Variants in PPFIBP2 observed in about 807,000 individuals in gnomAD.
PPFIBP2 encodes PPFIB scaffold protein 2.
A neutral mutation model predicts 118.3 loss-of-function variants in PPFIBP2; 118 were observed. That is an observed-to-expected ratio of 1.00 (90% CI 0.86 to 1.16). The LOEUF is 1.16. Ranked by LOEUF, PPFIBP2 falls within the 50% of genes most tolerant of loss-of-function variation. PPFIBP2 has a pLI of 0.00. For missense variants in PPFIBP2, 1,195 were observed against 1,073.1 expected (o/e 1.11, Z -1.59); for synonymous variants, 414 against 397.4 (o/e 1.04, Z -0.50).
At chr11:7,630,358 T>A (rs1850596118) in intron 10 of PPFIBP2, among the ~76,000 whole-genome samples, 1 of 152,178 alleles carries the variant, frequency 6.6e-6, no homozygotes, top group African/African-American at 2.4e-5. Flanking sequence ...GTCACCCAGG[T>A]TGGAGTGCAG....
chr11:7,652,425 A>G (rs1854179868), intron 23 of PPFIBP2, among the ~76,000 whole-genome samples: 1 of 152,224 alleles, frequency 6.6e-6, no homozygotes, highest in Non-Finnish European at 1.5e-5. Context: ...TTCCCAGACT[A>G]CAGACCAACA....
chr11:7,537,344 C>T (rs916361891), intron 1 of PPFIBP2, among the ~76,000 whole-genome samples: 1 of 152,060 alleles, frequency 6.6e-6, no homozygotes, highest in Non-Finnish European at 1.5e-5. Context: ...TTTTTTCCCC[C>T]CCACAGAGGC....
At position 7,634,436 on chromosome 11, in the gene PPFIBP2, A is replaced by C. The variant is rs909171461; in HGVS notation, c.1137-59A>C. 3 of 1,331,968 alleles carry C rather than the reference A, an allele frequency of 2.3e-6. No individual in the cohort carries two copies. In the African/African-American group the frequency reaches 4.3e-5, roughly 19 times the overall value. The allele number at this position is 1,331,968 out of a possible 1,614,324, so 82.5% of individuals were successfully genotyped here. On this transcript the variant is annotated intron_variant, in intron 12 of 23. Coordinates refer to ENST00000299492, the MANE Select transcript of PPFIBP2 (RefSeq NM_003621.5). ...GTTAAGCATTTGAAATGTCCTCTGCATGAGTGATAACATGTACCTCCTTCT... is the reference window on the plus strand; with the variant it reads ...GTTAAGCATTTGAAATGTCCTCTGCCTGAGTGATAACATGTACCTCCTTCT...
In PPFIBP2 at chr11:7,629,468, A is replaced by G. The variant is rs75896733; in HGVS notation, c.898A>G (p.Ile300Val). 7 of 1,614,058 alleles carry G rather than the reference A, an allele frequency of 4.3e-6. No homozygotes were observed. Among genetic ancestry groups the G allele is most frequent in the Non-Finnish European group, 5.9e-6 (7 of 1,179,928 alleles). ...LLANEDKDRRIEELTGLLNQY... is the reference protein window; with the variant it reads ...LLANEDKDRRVEELTGLLNQY... ...ACTTGCACTATGGCAGGACCGTCGG[A>G]TAGAGGAGCTTACGGGGCTGTTAAA... The change falls in exon 10 of 24, where the codon ATA becomes GTA. Residue 300 changes from isoleucine to valine, a missense_variant. Transcript: ENST00000299492.
Position 7,650,980 on chromosome 11 carries a change from G to T in PPFIBP2, c.2247+15G>T. 6.2e-7 allele frequency: 1 copy of T among 1,610,008 alleles called. No individual in the cohort carries two copies. Among genetic ancestry groups the T allele is most frequent in the African/African-American group, 1.3e-5 (1 of 74,970 alleles). ...GAGGCCTCATTGTGAGTGGCTCTCT[G>T]GCCTAGCCCACCTGCCTTGGTGCAA... On this transcript the variant is annotated intron_variant, in intron 22 of 23. Coordinates refer to ENST00000299492, the MANE Select transcript of PPFIBP2 (RefSeq NM_003621.5).
chr11:7,649,402 G>A, intron 20 of PPFIBP2, 130 bp from the exon 21 acceptor site: 1 of 1,323,246 alleles, frequency 7.6e-7, no homozygotes, highest in Admixed American at 1.8e-5. Context: ...ACTGTGATAA[G>A]CTATTGGTGT....
At chr11:7,552,259 G>A (rs781146957) in intron 2 of PPFIBP2, among the ~76,000 whole-genome samples, 2 of 152,228 alleles carry the variant, frequency 1.3e-5, no homozygotes, top group Non-Finnish European at 2.9e-5. Context: ...AGTTGCCTGT[G>A]TTGACATGCG....
intron 7 of PPFIBP2, among the ~76,000 whole-genome samples, chr11:7,625,491 T>G (rs1389625297): frequency 6.6e-6 from 1 of 152,336 alleles, no homozygotes; most frequent in South Asian, 2.1e-4. Flanking sequence ...ATCACAATCC[T>G]AATCCTCACA....
intron 7 of PPFIBP2, among the ~76,000 whole-genome samples, chr11:7,624,402 G>A (rs768198721): frequency 2.0e-5 from 3 of 152,228 alleles, no homozygotes; most frequent in Admixed American, 6.5e-5. Context: ...ATCAGGGTGC[G>A]TGCTCAGTCC....
downstream of PPFIBP2, chr11:7,656,642 G>T (rs1854716771): frequency 6.0e-6 from 6 of 997,914 alleles, no homozygotes; most frequent in South Asian, 8.0e-5. Flanking sequence ...CCCTCACCCA[G>T]TGCCCTCTAG....
At chr11:7,606,022 A>G (rs1590539430) in intron 5 of PPFIBP2, 1 of 1,533,302 alleles carries the variant, frequency 6.5e-7, no homozygotes, top group South Asian at 1.2e-5. Flanking sequence ...TAAAGTAGGT[A>G]GAAAAGCTGT....
At chr11:7,638,389 A>G (rs966057681) in intron 14 of PPFIBP2, among the ~76,000 whole-genome samples, 1 of 152,106 alleles carries the variant, frequency 6.6e-6, no homozygotes, top group East Asian at 1.9e-4. Flanking sequence ...CTTCTACTCC[A>G]CCAGCCAGTT....
At chr11:7,641,042 G>A (rs751748369) in intron 15 of PPFIBP2, 145 of 1,283,334 alleles carry the variant, frequency 1.1e-4, no homozygotes, top group Admixed American at 2.8e-4. Context: ...GATCGTGGCC[G>A]GAGTGTCAGT....
At chr11:7,665,667 G>C in the PPFIBP2 span, 76 of 1,235,830 alleles carry the variant, frequency 6.1e-5, no homozygotes, top group African/African-American at 1.0e-3. Flanking sequence ...CAAAGGCTTA[G>C]AAGTCTGTAC....
At chr11:7,649,773 A>T in intron 21 of PPFIBP2, 119 bp downstream of exon 21, 2 of 1,435,924 alleles carry the variant, frequency 1.4e-6, no homozygotes, top group Non-Finnish European at 1.9e-6. Context: ...GGTGCCTGGG[A>T]TTCTTTTGTT....
intron 1 of PPFIBP2, among the ~76,000 whole-genome samples, chr11:7,521,248 T>C (rs1288168585): frequency 6.6e-6 from 1 of 152,218 alleles, no homozygotes; most frequent in Non-Finnish European, 1.5e-5. Context: ...CTATGTTGCA[T>C]AGTAATCATG....
At chr11:7,571,037 G>C (rs1034270696) in intron 3 of PPFIBP2, among the ~76,000 whole-genome samples, 5 of 152,184 alleles carry the variant, frequency 3.3e-5, no homozygotes, top group Non-Finnish European at 5.9e-5. Context: ...TTATGTTAGA[G>C]CTTGATGGAG....
At chr11:7,567,913 C>T (rs76426823) in intron 3 of PPFIBP2, among the ~76,000 whole-genome samples, 3,025 of 152,276 alleles carry the variant, frequency 0.02, 123 homozygotes, top group African/African-American at 0.069. Flanking sequence ...GTTTAAGAAG[C>T]GCTGCGTTCA....
chr11:7,665,743 A>G, the PPFIBP2 span: 1 of 1,284,814 alleles, frequency 7.8e-7, no homozygotes, highest in Non-Finnish European at 1.1e-6. Flanking sequence ...CCCAGGTCCC[A>G]GGCTCACTGC....
Sources: gnomAD v4.1 joint callset for allele counts (sites outside exome capture counted in the v4.1 genomes callset) on GRCh38, gnomAD v4.1.1 for gene constraint, MANE v1.5 for transcripts, NCBI Gene and HGNC (gene_info 2026-07-23, HGNC 2026-07-21) for gene names.